Variants in KANK1 observed in about 807,000 individuals in gnomAD.
The protein encoded by KANK1 is KN motif and ankyrin repeat domain-containing protein 1.
A neutral mutation model predicts 106.2 loss-of-function variants in KANK1; 109 were observed. That is an observed-to-expected ratio of 1.03 (90% CI 0.88 to 1.20). KANK1 has a LOEUF of 1.20. Among genes scored for constraint, KANK1 ranks in the 50% most tolerant of loss-of-function variants. The pLI is 0.00. For missense variants in KANK1, 2,399 were observed against 1,710.7 expected (o/e 1.40, Z -7.10); for synonymous variants, 873 against 652.2 (o/e 1.34, Z -5.16).
intron 1 of KANK1, among the ~76,000 whole-genome samples, chr9:611,257 T>G (rs1056374078): frequency 2.0e-5 from 3 of 152,160 alleles, no homozygotes; most frequent in Non-Finnish European, 4.4e-5. Context: ...AAAGAATCTT[T>G]TAGTAAGTCA....
chr9:711,716 G>T lies in KANK1; in HGVS notation c.950G>T (p.Cys317Phe), dbSNP rs1215928864. ...NQRAASQINV[C>F]GVRKRSYSAG... ...AGGGCTGCATCCCAGATCAATGTCT[G>T]TGGTGTGAGGAAGCGGTCCTATAGT... The change falls in exon 3 of 12, where the codon TGT becomes TTT. Residue 317 changes from cysteine to phenylalanine, a missense_variant. Coordinates refer to ENST00000382297, the MANE Select transcript of KANK1 (RefSeq NM_015158.5). 1 of 1,614,102 alleles carries T rather than the reference G, an allele frequency of 6.2e-7. No homozygotes were observed. Among genetic ancestry groups the T allele is most frequent in the African/African-American group, 1.3e-5 (1 of 74,948 alleles).
At chr9:622,491 T>G (rs1347696214) in intron 1 of KANK1, among the ~76,000 whole-genome samples, 1 of 152,068 alleles carries the variant, frequency 6.6e-6, no homozygotes, top group African/African-American at 2.4e-5. Context: ...GAATACGCAA[T>G]GGGGGAAAGG....
chr9:551,744 T>C (rs2061295742), intron 1 of KANK1, among the ~76,000 whole-genome samples: 1 of 151,926 alleles, frequency 6.6e-6, no homozygotes, highest in Admixed American at 6.6e-5. Context: ...GTTATAATGG[T>C]GATAAGAGTT....
chr9:691,840 C>G (rs374311766), intron 2 of KANK1, among the ~76,000 whole-genome samples: 2 of 148,892 alleles, frequency 1.3e-5, no homozygotes, highest in South Asian at 4.2e-4. Context: ...TGGTCTCAAA[C>G]TCCTGGGCTC....
chr9:566,956 G>A (rs1817958820), intron 1 of KANK1, among the ~76,000 whole-genome samples: 2 of 152,040 alleles, frequency 1.3e-5, no homozygotes, highest in Admixed American at 1.3e-4. Context: ...TATTGCTTAG[G>A]TTATCATCCA....
intron 1 of KANK1, among the ~76,000 whole-genome samples, chr9:532,528 C>A (rs921190721): frequency 4.0e-5 from 6 of 151,888 alleles, no homozygotes; most frequent in African/African-American, 1.5e-4. Context: ...CCCTTAACTC[C>A]CCATTTCCCT....
Position 730,089 on chromosome 9 carries a change from C to T in KANK1, c.2737C>T (p.Gln913Ter). 1 of 1,614,204 alleles carries T rather than the reference C, an allele frequency of 6.2e-7. No homozygotes were observed. The highest frequency in any genetic ancestry group is 8.5e-7 in the Non-Finnish European group (1 of 1,180,026). Residue 913 changes from glutamine to a stop codon, truncating the protein, a stop_gained, in exon 4 of 12, where the codon CAG becomes TAG. Coordinates refer to ENST00000382297, the MANE Select transcript of KANK1 (RefSeq NM_015158.5). LOFTEE classifies it high-confidence loss of function. ...ATATACCTGTAAGTGTGGGGGCCTT[C>T]AGTCAGGAAGTCCCTTAAGCTCCCA... ...LGYTCKCGGLQSGSPLSSQTS... is the reference protein window; with the variant it reads ...LGYTCKCGGL
chr9:529,165 C>T (rs753163884), intron 1 of KANK1, among the ~76,000 whole-genome samples: 8 of 151,672 alleles, frequency 5.3e-5, no homozygotes, highest in African/African-American at 9.7e-5. Flanking sequence ...GTACTAGCTA[C>T]CATATTCTCT....
intron 3 of KANK1, among the ~76,000 whole-genome samples, chr9:725,565 CT>C (rs141694596): frequency 0.016 from 2,437 of 151,622 alleles, 61 homozygotes; most frequent in African/African-American, 0.056. Context: ...AGCTCTCACT[CT>C]TTTACTATAG....
At chr9:660,036 TA>T in intron 1 of KANK1, 1 of 351,814 alleles carries the variant, frequency 2.8e-6, no homozygotes, top group Non-Finnish European at 5.6e-6. Flanking sequence ...CTGATACAAG[TA>T]AGGGTGATAC....
At chr9:592,233 G>T (rs1825093875) in intron 1 of KANK1, among the ~76,000 whole-genome samples, 1 of 151,790 alleles carries the variant, frequency 6.6e-6, no homozygotes, top group South Asian at 2.1e-4. Context: ...AGATAATAAG[G>T]GGATGTAAAG....
chr9:707,007 A>T, intron 2 of KANK1: 1 of 985,466 alleles, frequency 1.0e-6, no homozygotes. Flanking sequence ...GTTTTCATTA[A>T]GAAAACAGGG....
intron 1 of KANK1, among the ~76,000 whole-genome samples, chr9:590,709 T>C (rs1373053271): frequency 6.6e-6 from 1 of 151,794 alleles, no homozygotes; most frequent in African/African-American, 2.4e-5. Context: ...CTTTTCTCAG[T>C]TGAAAATTAT....
intron 1 of KANK1, among the ~76,000 whole-genome samples, chr9:671,856 G>A (rs1276982376): frequency 1.3e-5 from 2 of 151,842 alleles, no homozygotes; most frequent in African/African-American, 2.4e-5. Context: ...GCTGAGGCAG[G>A]AGAATCACCT....
At chr9:692,406 T>A (rs1340308162) in intron 2 of KANK1, among the ~76,000 whole-genome samples, 1 of 151,956 alleles carries the variant, frequency 6.6e-6, no homozygotes, top group African/African-American at 2.4e-5. Context: ...AAACAAAGTT[T>A]CAAGTGCCAG....
At chr9:743,473 C>G (rs55831228) in intron 10 of KANK1, among the ~76,000 whole-genome samples, 84 of 152,232 alleles carry the variant, frequency 5.5e-4, no homozygotes, top group Non-Finnish European at 1.0e-3. Context: ...GATTTTACTT[C>G]TATTATCTTT....
At position 507,411 on chromosome 9, in the gene KANK1, C is replaced by T. The variant is rs118045147; in HGVS notation, c.-84+2657C>T. Among the ~76,000 whole-genome samples, 511 of 152,092 alleles carry T rather than the reference C, an allele frequency of 3.4e-3. 13 individuals carry two copies. The East Asian group carries it at 0.083, about 25-fold the overall frequency. On this transcript the variant is annotated intron_variant, in intron 1 of 11. Transcript: ENST00000382297. ...TATCCCACACCCCCAGCCCTGCCGA[C>T]GGAGTTTTGCTCTTGTCAGCCAGGC...
chr9:630,612 A>G (rs949615107), intron 1 of KANK1, among the ~76,000 whole-genome samples: 1 of 149,076 alleles, frequency 6.7e-6, no homozygotes, highest in Non-Finnish European at 1.5e-5. Context: ...AGGCTGCAGA[A>G]AGCTTAGGGC....
intron 1 of KANK1, among the ~76,000 whole-genome samples, chr9:517,775 G>A (rs1410694887): frequency 1.4e-5 from 2 of 140,332 alleles, no homozygotes; most frequent in Non-Finnish European, 3.0e-5. Context: ...GTCTCGCTCT[G>A]TCACCCAGGT....
Sources: allele counts gnomAD v4.1 joint callset (sites outside exome capture counted in the v4.1 genomes callset), GRCh38; gene constraint gnomAD v4.1.1; transcripts MANE v1.5; gene names NCBI Gene and HGNC (gene_info 2026-07-23, HGNC 2026-07-21).